The following ASIC2 variants were observed in gnomAD, a reference collection of about 807,000 sequenced individuals.
ASIC2 encodes the protein acid-sensing ion channel 2.
In ASIC2, 25 loss-of-function variants were observed where a neutral mutation model predicts 57.3. The observed-to-expected ratio is 0.44, with a 90% CI of 0.32 to 0.61. The LOEUF is 0.61. Ranked by LOEUF, ASIC2 falls within the 20% of genes least tolerant of loss-of-function variation. ASIC2 has a pLI of 0.06. For missense variants in ASIC2, 641 were observed against 738.1 expected (o/e 0.87, Z 1.52); for synonymous variants, 319 against 307.5 (o/e 1.04, Z -0.39).
chr17:33,242,873 A>G (rs319756), intron 1 of ASIC2, among the ~76,000 whole-genome samples: 118,063 of 152,054 alleles, frequency 0.78, 46,494 homozygotes, highest in African/African-American at 0.89. Context: ...GGAGTAAGAG[A>G]TCTGGATCGA....
chr17:34,025,597 T>A (rs554327361), intron 1 of ASIC2, among the ~76,000 whole-genome samples: 5 of 152,340 alleles, frequency 3.3e-5, no homozygotes, highest in African/African-American at 9.6e-5. Context: ...AAAATGTGGT[T>A]TTTTTGCATT....
intron 8 of ASIC2, among the ~76,000 whole-genome samples, chr17:33,016,766 C>A (rs2091808097): frequency 6.6e-6 from 1 of 152,006 alleles, no homozygotes; most frequent in Non-Finnish European, 1.5e-5. Flanking sequence ...CCGTCTACTG[C>A]TCCTGTTTGG....
intron 1 of ASIC2, among the ~76,000 whole-genome samples, chr17:33,876,814 C>G (rs1914557063): frequency 6.6e-6 from 1 of 152,150 alleles, no homozygotes. Flanking sequence ...TCTACTGATT[C>G]TCCATGCATC....
intron 3 of ASIC2, among the ~76,000 whole-genome samples, chr17:33,039,952 G>A (rs2091923551): frequency 6.6e-6 from 1 of 152,134 alleles, no homozygotes; most frequent in Admixed American, 6.5e-5. Flanking sequence ...CTTGGCACAT[G>A]GCAACATCCT....
At chr17:34,012,367 T>C (rs1420050502) in intron 1 of ASIC2, among the ~76,000 whole-genome samples, 2 of 152,210 alleles carry the variant, frequency 1.3e-5, no homozygotes, top group African/African-American at 4.8e-5. Context: ...CCTTCTCTGG[T>C]GCCACTCCCT....
At chr17:33,259,436 T>C (rs1370764935) in intron 1 of ASIC2, among the ~76,000 whole-genome samples, 1 of 149,972 alleles carries the variant, frequency 6.7e-6, no homozygotes, top group Non-Finnish European at 1.5e-5. Context: ...CCACATGCAG[T>C]AACTACTTGG....
intron 1 of ASIC2, among the ~76,000 whole-genome samples, chr17:33,311,390 TTG>T (rs1328949982): frequency 6.6e-6 from 1 of 150,950 alleles, no homozygotes; most frequent in Non-Finnish European, 1.5e-5. Flanking sequence ...CTCCTAGCAA[TTG>T]TGTGTGTTTG....
At chr17:33,361,595 C>T (rs191666150) in intron 1 of ASIC2, among the ~76,000 whole-genome samples, 19 of 152,244 alleles carry the variant, frequency 1.2e-4, no homozygotes, top group Admixed American at 1.1e-3. Context: ...ACCCAGCATC[C>T]TATCTAAGCT....
intron 1 of ASIC2, among the ~76,000 whole-genome samples, chr17:33,486,472 G>A (rs1913579405): frequency 1.3e-5 from 2 of 152,160 alleles, no homozygotes; most frequent in African/African-American, 2.4e-5. Flanking sequence ...TACGGTTTGA[G>A]CTCCATAAAA....
chr17:34,016,749 T>G (rs1207945966), intron 1 of ASIC2, among the ~76,000 whole-genome samples: 1 of 152,242 alleles, frequency 6.6e-6, no homozygotes, highest in Non-Finnish European at 1.5e-5. Flanking sequence ...GAAGATGACT[T>G]TGACTTTCAT....
At chr17:33,709,251 T>G (rs73282732) in intron 1 of ASIC2, among the ~76,000 whole-genome samples, 2 of 152,246 alleles carry the variant, frequency 1.3e-5, no homozygotes, top group African/African-American at 4.8e-5. Context: ...AAGTGTTATA[T>G]GCCTCCTGCA....
chr17:33,645,855 A>G (rs758045390), intron 1 of ASIC2, among the ~76,000 whole-genome samples: 8 of 152,150 alleles, frequency 5.3e-5, no homozygotes, highest in Non-Finnish European at 8.8e-5. Context: ...GAATTGGGCA[A>G]TTTTATAGTG....
Position 33,788,349 on chromosome 17 carries a change from AT to A in ASIC2, c.555+367628del, listed in dbSNP as rs1243368531. The stretch of plus-strand genomic sequence containing the variant: ...CAGAGAAATGCAAATCAAAACCACA[AT>A]GAGATACCATCTCATGCCGACAGAA... On this transcript the variant is annotated intron_variant, in intron 1 of 9. Coordinates refer to the ASIC2 transcript ENST00000359872. Among the ~76,000 whole-genome samples, 4 of 152,332 alleles carry A rather than the reference AT, an allele frequency of 2.6e-5. No homozygotes were observed. The East Asian group carries it at 7.7e-4, about 29-fold the overall frequency.
chr17:33,872,410 T>G (rs1468284187), intron 1 of ASIC2, among the ~76,000 whole-genome samples: 1 of 152,158 alleles, frequency 6.6e-6, no homozygotes, highest in Non-Finnish European at 1.5e-5. Context: ...CATTCAGTCA[T>G]TCAACCCGTA....
chr17:33,032,664 G>T (rs2141908326), intron 3 of ASIC2, among the ~76,000 whole-genome samples: 1 of 152,164 alleles, frequency 6.6e-6, no homozygotes, highest in South Asian at 2.1e-4. Flanking sequence ...GGCCAGGCTT[G>T]TCTCAAACTC....
intron 1 of ASIC2, among the ~76,000 whole-genome samples, chr17:34,032,468 A>C (rs908434592): frequency 2.6e-5 from 4 of 152,208 alleles, no homozygotes; most frequent in African/African-American, 7.2e-5. Context: ...TGAGCAAAAT[A>C]ACCAGCTAAC....
intron 3 of ASIC2, among the ~76,000 whole-genome samples, chr17:33,075,294 G>A (rs531580686): frequency 6.6e-6 from 1 of 152,192 alleles, no homozygotes; most frequent in Admixed American, 6.5e-5. Flanking sequence ...ATGATTGTGA[G>A]GCCTCCCTAG....
At chr17:34,049,294 AAAAC>A (rs746179493) in intron 1 of ASIC2, among the ~76,000 whole-genome samples, 31 of 152,048 alleles carry the variant, frequency 2.0e-4, no homozygotes, top group East Asian at 3.9e-4. Context: ...ACCCTGTCTC[AAAAC>A]AAACAAACAA....
At chr17:33,767,413 T>C (rs970694091) in intron 1 of ASIC2, among the ~76,000 whole-genome samples, 7 of 152,224 alleles carry the variant, frequency 4.6e-5, no homozygotes, top group African/African-American at 1.7e-4. Context: ...TGTTTGCGTA[T>C]AAATTAGTGA....
Sources: gnomAD v4.1 joint callset for allele counts (sites outside exome capture counted in the v4.1 genomes callset) on GRCh38, gnomAD v4.1.1 for gene constraint, MANE v1.5 for transcripts, NCBI Gene and HGNC (gene_info 2026-07-23, HGNC 2026-07-21) for gene names.